The following FAT3 variants were observed in gnomAD, a reference collection of about 807,000 sequenced individuals.
The protein encoded by FAT3 is protocadherin Fat 3.
Under a neutral mutation model 310.2 loss-of-function variants are expected in FAT3, and 95 were observed. The observed-to-expected ratio is 0.31, with a 90% CI of 0.26 to 0.36. The LOEUF is 0.36. Ranked by LOEUF, FAT3 falls within the 10% of genes least tolerant of loss-of-function variation. The pLI, the probability that FAT3 is intolerant of heterozygous loss-of-function variation, is 1.00. For missense variants in FAT3, 5,408 were observed against 5,715.6 expected (o/e 0.95, Z 1.74); for synonymous variants, 2,314 against 2,192.9 (o/e 1.06, Z -1.54).
intron 2 of FAT3, among the ~76,000 whole-genome samples, chr11:92,439,409 T>C (rs1346446375): frequency 6.6e-6 from 1 of 152,184 alleles, no homozygotes; most frequent in Non-Finnish European, 1.5e-5. Flanking sequence ...GGAAGCATCC[T>C]TCAATAAGAA....
At chr11:92,530,341 T>G (rs984981439) in intron 3 of FAT3, among the ~76,000 whole-genome samples, 2 of 152,040 alleles carry the variant, frequency 1.3e-5, no homozygotes, top group Non-Finnish European at 2.9e-5. Flanking sequence ...TTAGCAAGGT[T>G]CTATATGAAA....
chr11:92,481,335 T>C (rs640547), intron 2 of FAT3, among the ~76,000 whole-genome samples: 80,775 of 151,402 alleles, frequency 0.53, 21,934 homozygotes, highest in East Asian at 0.69. Context: ...TAGTGATATT[T>C]CTAGCTTTGC....
intron 19 of FAT3, among the ~76,000 whole-genome samples, chr11:92,846,148 C>A (rs1369536038): frequency 6.6e-6 from 1 of 152,150 alleles, no homozygotes; most frequent in Non-Finnish European, 1.5e-5. Flanking sequence ...CAAAGCTCTG[C>A]TAGGGTCTGT....
intron 2 of FAT3, among the ~76,000 whole-genome samples, chr11:92,385,962 G>A (rs1457000439): frequency 6.6e-6 from 1 of 151,902 alleles, no homozygotes; most frequent in African/African-American, 2.4e-5. Flanking sequence ...CCTGGGCAAC[G>A]CGGTGACACC....
At chr11:92,284,981 G>T (rs1457106135) in intron 1 of FAT3, among the ~76,000 whole-genome samples, 1 of 152,134 alleles carries the variant, frequency 6.6e-6, no homozygotes, top group Non-Finnish European at 1.5e-5. Flanking sequence ...TAGCTCATGG[G>T]TGATAGAATT....
chr11:92,792,839 C>A lies in FAT3; in HGVS notation c.4684C>A (p.His1562Asn). ...VIVNVEDAND[H>N]SPYFTNPLYE... ...TGTGAATGTGGAGGATGCTAATGAT[C>A]ACAGTCCTTATTTTACCAACCCACT... Residue 1562 changes from histidine (H) to asparagine (N), a missense_variant, in exon 9 of 28, where the codon CAC becomes AAC. His to Asn is a moderately conservative substitution (Grantham distance 68). Transcript: ENST00000525166. 2 of 1,613,820 alleles carry A rather than the reference C, an allele frequency of 1.2e-6. No individual in the cohort carries two copies. Among genetic ancestry groups the A allele is most frequent in the South Asian group, 2.2e-5 (2 of 91,076 alleles).
intron 4 of FAT3, among the ~76,000 whole-genome samples, chr11:92,702,336 T>C (rs183729001): frequency 2.2e-4 from 33 of 152,290 alleles, no homozygotes; most frequent in African/African-American, 7.5e-4. Context: ...CACTCCTCAA[T>C]GAGACCTTGA....
intron 1 of FAT3, among the ~76,000 whole-genome samples, chr11:92,240,061 AG>A (rs948426543): frequency 2.0e-5 from 3 of 152,290 alleles, no homozygotes; most frequent in African/African-American, 7.2e-5. Context: ...TTTGAGTAAT[AG>A]GCAGCTAAAA....
At chr11:92,828,956 T>C (rs1948168185) in intron 13 of FAT3, among the ~76,000 whole-genome samples, 1 of 152,172 alleles carries the variant, frequency 6.6e-6, no homozygotes, top group Non-Finnish European at 1.5e-5. Context: ...GCACCTTCCC[T>C]TCTGGCCTTG....
rs748942100 is a variant in FAT3 at position 92,354,101 on chromosome 11, C to T, written c.1989C>T (p.Asp663=). ...CAACTGATGGAGAGAATCTTGCAGA[C>T]CCCATGTCTATTAACATTTCAGTCC... ...ITATDGENLA[D]PMSINISVLH... Residue 663 remains aspartate (D), a synonymous_variant, in exon 2 of 28, where the codon GAC becomes GAT. Coordinates refer to ENST00000525166, the MANE Select transcript of FAT3 (RefSeq NM_001367949.2). The T allele has an allele frequency of 1.2e-6, 2 of 1,613,746 alleles. No homozygotes were observed. Among genetic ancestry groups the T allele is most frequent in the Admixed American group, 3.3e-5 (2 of 59,910 alleles).
At chr11:92,434,495 A>G (rs1950881321) in intron 2 of FAT3, among the ~76,000 whole-genome samples, 1 of 152,080 alleles carries the variant, frequency 6.6e-6, no homozygotes, top group Non-Finnish European at 1.5e-5. Context: ...AGGTGTCATT[A>G]CTCTAGAAAC....
intron 22 of FAT3, among the ~76,000 whole-genome samples, chr11:92,871,822 A>G (rs1364996449): frequency 3.3e-5 from 5 of 152,324 alleles, no homozygotes; most frequent in African/African-American, 4.8e-5. Flanking sequence ...AGGAGTTTCT[A>G]TGCACACCCA....
intron 1 of FAT3, among the ~76,000 whole-genome samples, chr11:92,328,057 C>T (rs1411130643): frequency 6.6e-6 from 1 of 152,074 alleles, no homozygotes; most frequent in Non-Finnish European, 1.5e-5. Context: ...TGTTTGGGCC[C>T]CAGTTCCTGT....
chr11:92,250,641 G>A lies in FAT3; in HGVS notation c.-18+25467G>A, dbSNP rs541619498. Among the ~76,000 whole-genome samples, 17 of 152,232 alleles carry A rather than the reference G, an allele frequency of 1.1e-4. No individual in the cohort carries two copies. The South Asian group carries it at 3.3e-3, about 30-fold the overall frequency. The stretch of plus-strand genomic sequence containing the variant: ...AAAAAGAAAGCAAAACTGCATTCAA[G>A]AATGTCTGTAATTAATAGAGCTGAC... On this transcript the variant is annotated intron_variant, in intron 1 of 27. Transcript: ENST00000525166.
intron 3 of FAT3, among the ~76,000 whole-genome samples, chr11:92,636,193 C>A (rs1367853406): frequency 1.3e-5 from 2 of 152,108 alleles, no homozygotes; most frequent in Admixed American, 1.3e-4. Context: ...AAACTCCTGA[C>A]CTCAAGTGAT....
intron 2 of FAT3, among the ~76,000 whole-genome samples, chr11:92,376,711 G>T (rs1949357050): frequency 1.3e-5 from 2 of 152,104 alleles, no homozygotes. Flanking sequence ...CCCTCACTTT[G>T]GATAGTGGTT....
chr11:92,515,453 G>A (rs577660639), intron 2 of FAT3, among the ~76,000 whole-genome samples: 2 of 152,170 alleles, frequency 1.3e-5, no homozygotes, highest in South Asian at 4.2e-4. Context: ...ATTAAATAAT[G>A]TTTGCTTAGT....
At chr11:92,687,317 C>A (rs1943662162) in intron 3 of FAT3, among the ~76,000 whole-genome samples, 1 of 152,156 alleles carries the variant, frequency 6.6e-6, no homozygotes, top group East Asian at 1.9e-4. Flanking sequence ...CTTGTCCATA[C>A]AGCTAAAAAA....
intron 1 of FAT3, among the ~76,000 whole-genome samples, chr11:92,286,816 C>G (rs764358556): frequency 1.1e-4 from 16 of 152,132 alleles, no homozygotes; most frequent in Non-Finnish European, 2.2e-4. Flanking sequence ...GGTGTGTAGC[C>G]TGAAGTATTC....
Sources: allele counts gnomAD v4.1 joint callset (sites outside exome capture counted in the v4.1 genomes callset), GRCh38; gene constraint gnomAD v4.1.1; transcripts MANE v1.5; gene names NCBI Gene and HGNC (gene_info 2026-07-23, HGNC 2026-07-21).